Variants in MAX observed in about 807,000 individuals in gnomAD.
MAX encodes protein max.
In MAX, 3 loss-of-function variants were observed where a neutral mutation model predicts 22.3. That is an observed-to-expected ratio of 0.13 (90% CI 0.06 to 0.35). The LOEUF is 0.35. Among genes scored for constraint, MAX ranks in the 10% least tolerant of loss-of-function variants. MAX has a pLI of 1.00. For synonymous variants in MAX, 72 were observed against 77.7 expected (o/e 0.93, Z 0.39); for missense variants, 119 against 209.4 (o/e 0.57, Z 2.66).
At chr14:65,061,535 C>T (rs917556936) in intron 3 of MAX, 2 of 644,822 alleles carry the variant, frequency 3.1e-6, no homozygotes, top group African/African-American at 1.8e-5. Context: ...AAAAATCTAT[C>T]AGCCCACGTG....
chr14:65,040,767 T>G (rs1333510682), intron 3 of MAX: 2 of 1,608,382 alleles, frequency 1.2e-6, no homozygotes, highest in Non-Finnish European at 1.7e-6. Context: ...CCACTCATTC[T>G]GCTTTTCTCA....
At chr14:65,098,857 C>A (rs1423344633) in intron 2 of MAX, among the ~76,000 whole-genome samples, 1 of 152,102 alleles carries the variant, frequency 6.6e-6, no homozygotes, top group Non-Finnish European at 1.5e-5. Context: ...AACTTCCTAA[C>A]TCTCTTCTCA....
Position 65,047,924 on chromosome 14 carries a change from G to A in MAX, c.172-41640C>T, listed in dbSNP as rs957246061. Among the ~76,000 whole-genome samples the A allele has an allele frequency of 1.3e-5, 2 of 151,918 alleles. No homozygotes were observed. Among genetic ancestry groups the A allele is most frequent in the Non-Finnish European group, 2.9e-5 (2 of 68,012 alleles). On this transcript the variant is annotated intron_variant, in intron 3 of 3. Coordinates refer to the MAX transcript ENST00000341653. This position sits in a 1 kb window ranked among gnomAD's most constrained non-coding sequence, Gnocchi z 5.2. ...CTACACAAAACCCCTTGAACAATGG[G>A]TACCTTTGGGAGAAGAGAAGCAGAC...
rs1232768396 is a variant in MAX, at chr14:65,101,446, A to G, written c.63+100T>C. Reference sequence around the variant, plus strand: ...TTAGTGGTTAACATTAGAGTTTACTACAATATTAAAAGTAATAGTACGATC... The same window carrying G: ...TTAGTGGTTAACATTAGAGTTTACTGCAATATTAAAAGTAATAGTACGATC... On this transcript the variant is annotated intron_variant, in intron 2 of 4. Coordinates refer to ENST00000358664, the MANE Select transcript of MAX (RefSeq NM_002382.5). 10 of 1,103,600 alleles carry G rather than the reference A, an allele frequency of 9.1e-6. No homozygotes were observed. The East Asian group carries it at 1.7e-4, about 19-fold the overall frequency. 68.4% of individuals were successfully genotyped at this position (1,103,600 alleles called of 1,614,324 possible).
rs1156677387 is a variant in MAX at position 65,012,235 on chromosome 14, C to CGT, written c.172-5953_172-5952dup. 7 of 1,553,670 alleles carry CGT rather than the reference C, an allele frequency of 4.5e-6. No individual in the cohort carries two copies. The highest frequency in any genetic ancestry group is 6.2e-6 in the Non-Finnish European group (7 of 1,129,664). On this transcript the variant is annotated intron_variant, in intron 3 of 3. Transcript: ENST00000341653. This position sits in a 1 kb window ranked among gnomAD's most constrained non-coding sequence, Gnocchi z 5.0. ...GACGTCCTGAAGCTGAGTGTTTACC[C>CGT]GTGTGTGTGTACGTGCACATACGTG...
At chr14:65,061,378 A>G in intron 3 of MAX, 2 of 1,604,182 alleles carry the variant, frequency 1.2e-6, no homozygotes, top group African/African-American at 2.7e-5. Context: ...TATACGTTTC[A>G]ATACATACTG....
intron 2 of MAX, among the ~76,000 whole-genome samples, chr14:65,100,142 CT>C (rs1424437539): frequency 6.6e-6 from 1 of 152,186 alleles, no homozygotes; most frequent in Non-Finnish European, 1.5e-5. Flanking sequence ...TTTTAGATTT[CT>C]AATCTTTCTT....
chr14:65,025,388 A>G (rs920954571), intron 3 of MAX, among the ~76,000 whole-genome samples: 3 of 152,234 alleles, frequency 2.0e-5, no homozygotes, highest in Non-Finnish European at 4.4e-5. Context: ...ACCTTTTGGT[A>G]TGCTAGTGCA....
At position 65,095,962 on chromosome 14, in the gene MAX, T is replaced by G. The variant is rs116898180; in HGVS notation, c.64-2147A>C. 5.8e-3 allele frequency among the ~76,000 whole-genome samples: 881 copies of G among 152,182 alleles called. 4 individuals are homozygous for G. Among genetic ancestry groups the G allele is most frequent in the Middle Eastern group, 0.02 (6 of 294 alleles). On this transcript the variant is annotated intron_variant, in intron 2 of 4. Coordinates refer to ENST00000358664, the MANE Select transcript of MAX (RefSeq NM_002382.5). Reference sequence around the variant, plus strand: ...TCTAACACCAAAATCATCCCCACAATGCACTACCCCCTCCCATTCACTGAG... The same window carrying G: ...TCTAACACCAAAATCATCCCCACAAGGCACTACCCCCTCCCATTCACTGAG...
rs182935418 is a variant in MAX at position 65,093,163 on chromosome 14, C to T, written c.171+545G>A. On this transcript the variant is annotated intron_variant, in intron 3 of 4. Transcript: ENST00000358664. This position sits in a 1 kb window ranked among gnomAD's most constrained non-coding sequence, Gnocchi z 4.4. ...TTTTTTCTGTTTCACATGAACATGTCTCTTCACTCAAGTCTTTTGTCCCAC... is the reference window on the plus strand; with the variant it reads ...TTTTTTCTGTTTCACATGAACATGTTTCTTCACTCAAGTCTTTTGTCCCAC... Among the ~76,000 whole-genome samples, 18 of 152,268 alleles carry T rather than the reference C, an allele frequency of 1.2e-4. No individual in the cohort carries two copies. The East Asian group carries it at 3.3e-3, about 28-fold the overall frequency.
chr14:65,058,310 T>C (rs2062787885), intron 3 of MAX, among the ~76,000 whole-genome samples: 1 of 152,104 alleles, frequency 6.6e-6, no homozygotes. Flanking sequence ...ATGTCTCTTG[T>C]GACTGGAATC....
chr14:65,044,512 C>T lies in MAX; in HGVS notation c.172-38228G>A, dbSNP rs1276193966. ...CCACTACTCACAAAGTCTGGAAGCC[C>T]AGCGTGCTTTTTTAGAGGGGTTGAA... On this transcript the variant is annotated intron_variant, in intron 3 of 3. Transcript: ENST00000341653. The surrounding 1 kb of genome is among the most constrained non-coding windows in gnomAD (Gnocchi z 5.5). 3 of 1,550,918 alleles carry T rather than the reference C, an allele frequency of 1.9e-6. No homozygotes were observed. The highest frequency in any genetic ancestry group is 2.5e-5 in the South Asian group (2 of 80,930).
In MAX at chr14:65,093,592, T is replaced by C. The variant is rs1299488383; in HGVS notation, c.171+116A>G. On this transcript the variant is annotated intron_variant, in intron 3 of 4. Coordinates refer to ENST00000358664, the MANE Select transcript of MAX (RefSeq NM_002382.5). This position sits in a 1 kb window ranked among gnomAD's most constrained non-coding sequence, Gnocchi z 4.4. ...CAAACAGTCAAAAATAAGGCAACCATGCTACCTGAATATCTCTGACTACAT... is the reference window on the plus strand; with the variant it reads ...CAAACAGTCAAAAATAAGGCAACCACGCTACCTGAATATCTCTGACTACAT... 1 of 727,862 alleles carries C rather than the reference T, an allele frequency of 1.4e-6. No homozygotes were observed. The highest frequency in any genetic ancestry group is 1.7e-5 in the African/African-American group (1 of 58,066). The allele number at this position is 727,862 out of a possible 1,614,324, so 45.1% of individuals were successfully genotyped here.
intron 3 of MAX, among the ~76,000 whole-genome samples, chr14:65,017,460 G>A (rs1014820809): frequency 2.6e-5 from 4 of 152,132 alleles, no homozygotes; most frequent in Admixed American, 2.0e-4. Flanking sequence ...GGGTGCCTGA[G>A]GTGGAAGAAC....
At chr14:65,026,163 CTTG>C (rs1231244561) in intron 3 of MAX, among the ~76,000 whole-genome samples, 6 of 152,202 alleles carry the variant, frequency 3.9e-5, no homozygotes, top group African/African-American at 9.6e-5. Flanking sequence ...AGACAGTTTG[CTTG>C]TTGTAAATGG....
rs369682663 is a variant in MAX at position 65,050,872 on chromosome 14, A to G, written c.171+42836T>C. 2.5e-4 allele frequency among the ~76,000 whole-genome samples: 38 copies of G among 152,342 alleles called. No individual in the cohort carries two copies. In the East Asian group the frequency reaches 6.5e-3, roughly 26 times the overall value. On this transcript the variant is annotated intron_variant, in intron 3 of 3. Transcript: ENST00000341653. ...CTATTTGAAGAAAATAATCTTAAGC[A>G]TACATAATATTGACAAAGATTTAGT...
chr14:65,060,515 T>C (rs889020759), intron 3 of MAX, among the ~76,000 whole-genome samples: 1 of 126,374 alleles, frequency 7.9e-6, no homozygotes, highest in Non-Finnish European at 1.5e-5. Context: ...GCTAAAACGG[T>C]GAAACCCCGT....
rs143168402 is a variant in MAX, at chr14:65,030,091, C to G, written c.172-23807G>C. 3.4e-3 allele frequency among the ~76,000 whole-genome samples: 514 copies of G among 152,324 alleles called. 1 individual carries two copies. The highest frequency in any genetic ancestry group is 0.012 in the African/African-American group (488 of 41,556). ...GCGTGAGACCTGGGACTCCTGTCTTCTGTCATCACTTCTTAGTCCTCACAC... is the reference window on the plus strand; with the variant it reads ...GCGTGAGACCTGGGACTCCTGTCTTGTGTCATCACTTCTTAGTCCTCACAC... On this transcript the variant is annotated intron_variant, in intron 3 of 3. Coordinates refer to the MAX transcript ENST00000341653. This position sits in a 1 kb window ranked among gnomAD's most constrained non-coding sequence, Gnocchi z 4.5.
chr14:65,055,944 A>G (rs562358507), intron 3 of MAX, among the ~76,000 whole-genome samples: 83 of 152,232 alleles, frequency 5.5e-4, no homozygotes, highest in African/African-American at 1.8e-3. Context: ...TCCAGGCCCT[A>G]ATTATTTCCC....
Sources: gnomAD v4.1 joint callset for allele counts (sites outside exome capture counted in the v4.1 genomes callset) on GRCh38, gnomAD v4.1.1 for gene constraint, Gnocchi (gnomAD v3.1) non-coding constraint, MANE v1.5 for transcripts, NCBI Gene and HGNC (gene_info 2026-07-23, HGNC 2026-07-21) for gene names.